SLC10A7: variants seen among roughly 807,000 people sequenced by gnomAD.
SLC10A7 encodes sodium/bile acid cotransporter 7.
In SLC10A7, 29 loss-of-function variants were observed where a neutral mutation model predicts 43.2. The observed-to-expected ratio is 0.67, with a 90% CI of 0.50 to 0.92. The LOEUF (loss-of-function observed/expected upper bound fraction) is 0.92, where lower values mean the gene tolerates loss of function less well. Among genes scored for constraint, SLC10A7 ranks in the 40% least tolerant of loss-of-function variants. The pLI is 0.00. For synonymous variants in SLC10A7, 152 were observed against 144.8 expected (o/e 1.05, Z -0.35); for missense variants, 295 against 403.2 (o/e 0.73, Z 2.30).
At chr4:146,440,434 G>T (rs1214923253) in intron 5 of SLC10A7, among the ~76,000 whole-genome samples, 1 of 152,128 alleles carries the variant, frequency 6.6e-6, no homozygotes, top group Non-Finnish European at 1.5e-5. Context: ...CAGCCTTGAG[G>T]AAGAAAACTG....
intron 5 of SLC10A7, among the ~76,000 whole-genome samples, chr4:146,330,285 CA>C (rs923932627): frequency 1.3e-5 from 2 of 150,594 alleles, no homozygotes; most frequent in African/African-American, 4.9e-5. Context: ...ATAGGACATG[CA>C]AAAAAAAGGC....
At chr4:146,395,893 C>T (rs1338597313) in intron 5 of SLC10A7, among the ~76,000 whole-genome samples, 3 of 152,140 alleles carry the variant, frequency 2.0e-5, no homozygotes, top group Admixed American at 6.5e-5. Context: ...CTCTATAGAA[C>T]TTAGCATACA....
At chr4:146,463,474 G>C (rs1367693122) in intron 4 of SLC10A7, among the ~76,000 whole-genome samples, 2 of 152,062 alleles carry the variant, frequency 1.3e-5, no homozygotes, top group African/African-American at 4.8e-5. Context: ...AAATAATTCA[G>C]TCACATCTGT....
At chr4:146,418,160 T>A (rs1479605666) in intron 5 of SLC10A7, among the ~76,000 whole-genome samples, 1 of 152,160 alleles carries the variant, frequency 6.6e-6, no homozygotes, top group African/African-American at 2.4e-5. Context: ...GCGCTCTTCT[T>A]CCTAAGCTTC....
chr4:146,269,375 G>A (rs1010579442), intron 10 of SLC10A7, among the ~76,000 whole-genome samples: 5 of 152,230 alleles, frequency 3.3e-5, no homozygotes, highest in African/African-American at 9.6e-5. Flanking sequence ...TGAAGTCTTC[G>A]TTCCAATACT....
chr4:146,300,881 A>T (rs1454288653), intron 7 of SLC10A7, among the ~76,000 whole-genome samples: 2 of 152,200 alleles, frequency 1.3e-5, no homozygotes, highest in Non-Finnish European at 2.9e-5. Context: ...TCCTGAACAA[A>T]TGGCAACCTA....
chr4:146,376,550 A>G (rs1737216770), intron 5 of SLC10A7, among the ~76,000 whole-genome samples: 1 of 152,124 alleles, frequency 6.6e-6, no homozygotes, highest in South Asian at 2.1e-4. Context: ...AAGAGTTCAG[A>G]CAGGGATGGT....
chr4:146,474,560 T>A (rs562552639), intron 4 of SLC10A7, among the ~76,000 whole-genome samples: 1 of 152,264 alleles, frequency 6.6e-6, no homozygotes, highest in Admixed American at 6.6e-5. Context: ...AATCTAGTTA[T>A]GCCATCACTA....
rs1578875056 is a variant in SLC10A7 at position 146,320,735 on chromosome 4, C to G, written c.471+5226G>C. 2.6e-5 allele frequency among the ~76,000 whole-genome samples: 4 copies of G among 152,090 alleles called. No individual in the cohort carries two copies. In the South Asian group the frequency reaches 6.2e-4, roughly 24 times the overall value. On this transcript the variant is annotated intron_variant, in intron 6 of 11. Transcript: ENST00000335472. ...TTAAAAAGAAAACAATGGGAAGATG[C>G]TAACATTTTTTTTGGACTGATAGTG...
At chr4:146,337,119 A>G (rs940154543) in intron 5 of SLC10A7, among the ~76,000 whole-genome samples, 1 of 152,042 alleles carries the variant, frequency 6.6e-6, no homozygotes, top group Non-Finnish European at 1.5e-5. Context: ...TTTCATGTAA[A>G]CATCTTCTAA....
At position 146,442,841 on chromosome 4, in the gene SLC10A7, G is replaced by A. The variant is rs1730711872; in HGVS notation, c.397-20C>T. 1 of 1,510,574 alleles carries A rather than the reference G, an allele frequency of 6.6e-7. No homozygotes were observed. The highest frequency in any genetic ancestry group is 9.0e-7 in the Non-Finnish European group (1 of 1,111,264). 93.6% of individuals were successfully genotyped at this position (1,510,574 alleles called of 1,614,324 possible). A position where few individuals can be genotyped will look rare whatever the true frequency, so the allele number is the denominator to read the frequency against. The stretch of plus-strand genomic sequence containing the variant: ...AGCTGCCTATGAAGAAAATAAATAG[G>A]GGAAAAAAACTCATTGAAAGTAAAT... On this transcript the variant is annotated intron_variant, in intron 4 of 11. Coordinates refer to ENST00000335472, the MANE Select transcript of SLC10A7 (RefSeq NM_001029998.6).
intron 5 of SLC10A7, among the ~76,000 whole-genome samples, chr4:146,381,034 A>G (rs996877957): frequency 3.3e-5 from 5 of 152,140 alleles, no homozygotes; most frequent in African/African-American, 1.2e-4. Context: ...TTAGAATTTT[A>G]TCAGAAGGGA....
chr4:146,341,347 T>C (rs886726869), intron 5 of SLC10A7, among the ~76,000 whole-genome samples: 30 of 151,748 alleles, frequency 2.0e-4, no homozygotes, highest in African/African-American at 7.2e-4. Flanking sequence ...TAAAATATTT[T>C]ATTAAGAATA....
chr4:146,495,918 C>A (rs1312305304), intron 4 of SLC10A7, among the ~76,000 whole-genome samples: 1 of 152,026 alleles, frequency 6.6e-6, no homozygotes, highest in African/African-American at 2.4e-5. Flanking sequence ...AATCCTTCAA[C>A]CTGCTAAGTA....
At chr4:146,335,139 A>C (rs1302774732) in intron 5 of SLC10A7, among the ~76,000 whole-genome samples, 3 of 151,366 alleles carry the variant, frequency 2.0e-5, no homozygotes. Context: ...CAATAGTTGA[A>C]GGTTTTTGTT....
At chr4:146,305,157 A>G (rs1731463155) in intron 7 of SLC10A7, among the ~76,000 whole-genome samples, 1 of 150,836 alleles carries the variant, frequency 6.6e-6, no homozygotes, top group Non-Finnish European at 1.5e-5. Flanking sequence ...TCACAATAGC[A>G]AAGACTTGGA....
At chr4:146,296,803 A>G (rs915182106) in intron 7 of SLC10A7, among the ~76,000 whole-genome samples, 1 of 152,200 alleles carries the variant, frequency 6.6e-6, no homozygotes, top group African/African-American at 2.4e-5. Context: ...ATAAACAAAA[A>G]CTGGGTGAAG....
At chr4:146,443,231 C>CTCCT (rs33932572) in intron 4 of SLC10A7, among the ~76,000 whole-genome samples, 1 of 6,524 alleles carries the variant, frequency 1.5e-4, no homozygotes, top group African/African-American at 3.8e-3. Flanking sequence ...ACATTAATTG[C>CTCCT]TGTCAGTGGC....
chr4:146,334,536 G>A (rs890398252), intron 5 of SLC10A7, among the ~76,000 whole-genome samples: 3 of 152,040 alleles, frequency 2.0e-5, no homozygotes, highest in African/African-American at 4.8e-5. Context: ...AATGGAGTTC[G>A]TTGTTTTTGG....
Sources: gnomAD v4.1 joint callset for allele counts (sites outside exome capture counted in the v4.1 genomes callset) on GRCh38, gnomAD v4.1.1 for gene constraint, MANE v1.5 for transcripts, NCBI Gene and HGNC (gene_info 2026-07-23, HGNC 2026-07-21) for gene names.